ACSM3: variants seen among roughly 807,000 people sequenced by gnomAD.
ACSM3 encodes the protein acyl-CoA synthetase medium chain family member 3, also known as acyl-coenzyme A synthetase ACSM3, mitochondrial.
Under a neutral mutation model 74.1 loss-of-function variants are expected in ACSM3, and 61 were observed. That is an observed-to-expected ratio of 0.82 (90% CI 0.67 to 1.02). ACSM3 has a LOEUF of 1.02. Ranked by LOEUF, ACSM3 falls within the 50% of genes least tolerant of loss-of-function variation. ACSM3 has a pLI of 0.00. For missense variants in ACSM3, 660 were observed against 697.0 expected, an observed-to-expected ratio of 0.95 and a Z score of 0.60; for synonymous variants, 213 against 241.5, an observed-to-expected ratio of 0.88 and a Z score of 1.09.
intron 1 of ACSM3, among the ~76,000 whole-genome samples, chr16:20,718,032 AAAG>A (rs1408423480): frequency 1.4e-5 from 2 of 139,640 alleles, no homozygotes; most frequent in African/African-American, 5.2e-5. Flanking sequence ...AGAAGAAAAG[AAAG>A]AAGAAGAAGA....
At chr16:20,774,141 T>C (rs2152458827) in intron 2 of ACSM3, among the ~76,000 whole-genome samples, 1 of 152,350 alleles carries the variant, frequency 6.6e-6, no homozygotes, top group African/African-American at 2.4e-5. Flanking sequence ...GTTTTCTGAC[T>C]TAAAGTCTAT....
chr16:20,713,914 G>A (rs1311218520), intron 1 of ACSM3, among the ~76,000 whole-genome samples: 1 of 152,126 alleles, frequency 6.6e-6, no homozygotes, highest in African/African-American at 2.4e-5. Flanking sequence ...TTTTTCAGAA[G>A]ACTACACACG....
chr16:20,744,608 C>T (rs1006603438), intron 1 of ACSM3, among the ~76,000 whole-genome samples: 4 of 152,214 alleles, frequency 2.6e-5, no homozygotes, highest in African/African-American at 9.7e-5. Flanking sequence ...TGATCTTGAA[C>T]TCCTGACCTC....
intron 1 of ACSM3, chr16:20,685,418 A>G (rs1327299827): frequency 1.2e-6 from 2 of 1,612,470 alleles, no homozygotes; most frequent in South Asian, 1.1e-5. Flanking sequence ...TCAAGACCAT[A>G]TATTATGTGT....
chr16:20,726,994 C>A (rs186383701), intron 1 of ACSM3, among the ~76,000 whole-genome samples: 2 of 152,326 alleles, frequency 1.3e-5, no homozygotes, highest in East Asian at 3.9e-4. Context: ...CCCTTATAAC[C>A]TAGCAACTGC....
intron 5 of ACSM3, 51 bp downstream of exon 5, chr16:20,780,908 G>A (rs775380862): frequency 5.6e-6 from 9 of 1,613,378 alleles, no homozygotes; most frequent in Non-Finnish European, 7.6e-6. Context: ...CAAAGATGAT[G>A]ACTTATGTAC....
chr16:20,737,970 A>G, intron 1 of ACSM3: 1 of 1,567,494 alleles, frequency 6.4e-7, no homozygotes, highest in Non-Finnish European at 8.6e-7. Context: ...AAGAAAAAAA[A>G]AAAGTTAAGA....
chr16:20,765,749 G>A (rs2080118880), intron 1 of ACSM3, among the ~76,000 whole-genome samples: 1 of 152,158 alleles, frequency 6.6e-6, no homozygotes, highest in Non-Finnish European at 1.5e-5. Flanking sequence ...TTAAATATGT[G>A]TGTCTGTTTG....
In ACSM3 at chr16:20,781,750, A is replaced by T; in HGVS notation, c.982A>T (p.Thr328Ser). 6.2e-7 allele frequency: 1 copy of T among 1,613,424 alleles called. No individual in the cohort carries two copies. Residue 328 changes from threonine to serine, a missense_variant, in exon 7 of 14, where the codon ACT becomes TCT. By Grantham distance (58) the Thr-to-Ser change is moderately conservative. Coordinates refer to ENST00000289416, the MANE Select transcript of ACSM3 (RefSeq NM_005622.4). The stretch of plus-strand genomic sequence containing the variant: ...CATCACAGTCTTCTGTTCAGCACCA[A>T]CTGTATACCGAATGCTTGTACAGAA... The part of the protein sequence containing the change: ...YPITVFCSAP[T>S]VYRMLVQNDI...
At chr16:20,715,537 G>A (rs1024246859) in intron 1 of ACSM3, among the ~76,000 whole-genome samples, 1 of 152,062 alleles carries the variant, frequency 6.6e-6, no homozygotes, top group Non-Finnish European at 1.5e-5. Context: ...CTGGGATGTG[G>A]AGGTTGCAGT....
chr16:20,678,315 A>G lies in ACSM3; in HGVS notation c.-190+3493A>G, dbSNP rs575291258. Among the ~76,000 whole-genome samples, 10 of 152,218 alleles carry G rather than the reference A, an allele frequency of 6.6e-5. No individual in the cohort carries two copies. In the East Asian group the frequency reaches 7.7e-4, roughly 12 times the overall value. On this transcript the variant is annotated intron_variant, in intron 1 of 3. Coordinates refer to the ACSM3 transcript ENST00000561584. ...AAAAAACACACAAAAAAACAGCACT[A>G]AAGACATTATTAAGGCATCATTTCT... is the stretch of plus-strand genomic sequence containing the variant.
chr16:20,682,519 T>A, intron 1 of ACSM3: 1 of 1,445,636 alleles, frequency 6.9e-7, no homozygotes, highest in Non-Finnish European at 9.7e-7. Context: ...CCATGGGCTT[T>A]AGACTTGGCT....
intron 1 of ACSM3, among the ~76,000 whole-genome samples, chr16:20,768,317 G>A (rs1310432503): frequency 1.3e-5 from 2 of 152,220 alleles, no homozygotes; most frequent in African/African-American, 4.8e-5. Context: ...ATATGACTCA[G>A]TAGCCAGTGT....
chr16:20,702,862 G>A (rs1349604757), intron 1 of ACSM3: 4 of 152,164 alleles, frequency 2.6e-5, no homozygotes, highest in Non-Finnish European at 4.4e-5. Context: ...ATTGCTTTTG[G>A]TGTTTTACTC....
chr16:20,730,495 CAA>C (rs996990255), intron 1 of ACSM3, among the ~76,000 whole-genome samples: 2 of 152,174 alleles, frequency 1.3e-5, no homozygotes, highest in African/African-American at 2.4e-5. Flanking sequence ...GACAAAATTT[CAA>C]AAGTTTGTCT....
intron 1 of ACSM3, among the ~76,000 whole-genome samples, chr16:20,693,644 A>G (rs2079674776): frequency 6.6e-6 from 1 of 152,180 alleles, no homozygotes; most frequent in Non-Finnish European, 1.5e-5. Context: ...GCTGGAGCTG[A>G]GAATTGTCTG....
chr16:20,796,966 A>G lies in ACSM3; in HGVS notation c.1755A>G (p.Thr585=), dbSNP rs139314236. 2.6e-5 allele frequency: 42 copies of G among 1,611,816 alleles called. No homozygotes were observed. In the African/African-American group the frequency reaches 5.3e-4, roughly 21 times the overall value. ...AACTGAGGAAGAAAGAATGGAAGAC[A>G]ATTTAAAGTTGTTTCATTAATTACC... The part of the protein sequence containing the change: ...RNELRKKEWK[T]I The change falls in exon 14 of 14, where the codon ACA becomes ACG. Residue 585 remains threonine, a synonymous_variant. Transcript: ENST00000289416.
At chr16:20,753,635 G>C (rs988178265) in intron 2 of ACSM3, among the ~76,000 whole-genome samples, 1 of 151,976 alleles carries the variant, frequency 6.6e-6, no homozygotes. Flanking sequence ...GAAAAAGAGA[G>C]ACCAAGAGAA....
intron 1 of ACSM3, among the ~76,000 whole-genome samples, chr16:20,741,161 C>T (rs188561181): frequency 5.4e-4 from 83 of 152,314 alleles, no homozygotes; most frequent in Admixed American, 4.9e-3. Flanking sequence ...ACTCTGGAGG[C>T]TGAGACAGGA....
Sources: gnomAD v4.1 joint callset for allele counts (sites outside exome capture counted in the v4.1 genomes callset) on GRCh38, gnomAD v4.1.1 for gene constraint, MANE v1.5 for transcripts, NCBI Gene and HGNC (gene_info 2026-07-23, HGNC 2026-07-21) for gene names.